Variants in PKHD1L1 observed in about 807,000 individuals in gnomAD.
The protein encoded by PKHD1L1 is PKHD1 like 1, also known as fibrocystin-L.
A neutral mutation model predicts 462.9 loss-of-function variants in PKHD1L1; 434 were observed. The ratio of observed to expected loss-of-function variants is 0.94; its 90% CI spans 0.87 to 1.02. PKHD1L1 has a LOEUF of 1.02. Among genes scored for constraint, PKHD1L1 ranks in the 50% least tolerant of loss-of-function variants. The pLI is 0.00. For synonymous variants in PKHD1L1, 1,781 were observed against 1,750.0 expected, an observed-to-expected ratio of 1.02 and a Z score of -0.44; for missense variants, 5,202 against 5,096.1, an observed-to-expected ratio of 1.02 and a Z score of -0.63.
intron 2 of PKHD1L1, among the ~76,000 whole-genome samples, chr8:109,370,923 G>T (rs996586805): frequency 2.6e-5 from 4 of 152,154 alleles, no homozygotes; most frequent in Non-Finnish European, 4.4e-5. Context: ...GGACATTTGG[G>T]TTGGTTCCAA....
At chr8:109,434,849 T>G (rs1392700357) in intron 28 of PKHD1L1, among the ~76,000 whole-genome samples, 1 of 151,984 alleles carries the variant, frequency 6.6e-6, no homozygotes. Context: ...GACCAAAAAT[T>G]TTAGAATTAT....
At chr8:109,464,144 T>G in intron 48 of PKHD1L1, 72 bp from the exon 49 acceptor site, 1 of 1,058,956 alleles carries the variant, frequency 9.4e-7, no homozygotes, top group Non-Finnish European at 1.2e-6. Flanking sequence ...AATTAGATAT[T>G]TTTTGAAACA....
At chr8:109,408,329 C>T in intron 18 of PKHD1L1, 123 bp downstream of exon 18, 1 of 890,910 alleles carries the variant, frequency 1.1e-6, no homozygotes, top group Non-Finnish European at 1.6e-6. Flanking sequence ...AATTATTTAT[C>T]ACCTGATCAA....
chr8:109,510,974 T>C (rs769254764), intron 71 of PKHD1L1, 40 bp downstream of exon 71: 1 of 1,591,930 alleles, frequency 6.3e-7, no homozygotes, highest in South Asian at 1.1e-5. Flanking sequence ...TGTTGATTAT[T>C]TGCATGTTAT....
At chr8:109,501,554 A>G (rs1347089444) in intron 67 of PKHD1L1, among the ~76,000 whole-genome samples, 1 of 152,338 alleles carries the variant, frequency 6.6e-6, no homozygotes, top group East Asian at 1.9e-4. Context: ...TTCCTGAGGA[A>G]TGGTAGTATA....
Position 109,515,181 on chromosome 8 carries a change from A to T in PKHD1L1, c.11565A>T (p.Val3855=). The change falls in exon 72 of 78, where the codon GTA becomes GTT. Residue 3855 remains valine, a synonymous_variant. Transcript: ENST00000378402. ...TTTTTCTTTAATAGGCTGTTCTAGTAGGAATTTTCTTTTCCACACTTCAAC... is the reference window on the plus strand; with the variant it reads ...TTTTTCTTTAATAGGCTGTTCTAGTTGGAATTTTCTTTTCCACACTTCAAC... ...LNVDHNKAVL[V]GIFFSTLQRL... 6.3e-7 allele frequency: 1 copy of T among 1,589,530 alleles called. No homozygotes were observed. Among genetic ancestry groups the T allele is most frequent in the African/African-American group, 1.4e-5 (1 of 73,936 alleles).
At position 109,491,857 on chromosome 8, in the gene PKHD1L1, TTC is replaced by T. The variant is rs1350557540; in HGVS notation, c.10115-14_10115-13del. The T allele has an allele frequency of 4.6e-6, 7 of 1,533,720 alleles. No individual in the cohort carries two copies. The Admixed American group carries it at 8.1e-5, about 18-fold the overall frequency. The stretch of plus-strand genomic sequence containing the variant: ...TTTTTTGGGGATTTTCTTTCTTTTT[TTC>T]TTTTTTTAAACAGGCATAAGAATAT... On this transcript the variant is annotated splice_polypyrimidine_tract_variant and intron_variant, in intron 61 of 77. Transcript: ENST00000378402.
intron 62 of PKHD1L1, among the ~76,000 whole-genome samples, chr8:109,493,013 TC>T (rs1229494433): frequency 1.3e-5 from 2 of 151,640 alleles, no homozygotes; most frequent in African/African-American, 4.8e-5. Flanking sequence ...GCCTTAGTTG[TC>T]CTTTTTTAAA....
chr8:109,376,152 G>T (rs1024285878), intron 2 of PKHD1L1, among the ~76,000 whole-genome samples: 4 of 152,252 alleles, frequency 2.6e-5, no homozygotes, highest in Admixed American at 6.5e-5. Context: ...GCTCCACCCA[G>T]TTCGAGCTTC....
At chr8:109,366,464 G>A (rs1357099788) in intron 2 of PKHD1L1, among the ~76,000 whole-genome samples, 6 of 152,170 alleles carry the variant, frequency 3.9e-5, no homozygotes, top group Non-Finnish European at 8.8e-5. Flanking sequence ...GTGGAGGAGG[G>A]ATATTGGTCA....
intron 2 of PKHD1L1, among the ~76,000 whole-genome samples, chr8:109,368,581 C>T (rs1242032618): frequency 6.6e-6 from 1 of 152,122 alleles, no homozygotes; most frequent in Non-Finnish European, 1.5e-5. Context: ...AGTTGTCTTC[C>T]ATCCATCACG....
At position 109,522,353 on chromosome 8, in the gene PKHD1L1, T is replaced by C. The variant is rs770492181; in HGVS notation, c.12183+16T>C. ...GTGGATTAAGGTAAGAAAATGCAAC[T>C]AGAAAAAATGCATTTTTTGGGACTT... On this transcript the variant is annotated intron_variant, in intron 74 of 77. Transcript: ENST00000378402. The C allele has an allele frequency of 3.9e-6, 6 of 1,520,802 alleles. No homozygotes were observed. Among genetic ancestry groups the C allele is most frequent in the Non-Finnish European group, 5.3e-6 (6 of 1,134,714 alleles). 94.2% of individuals were successfully genotyped at this position (1,520,802 alleles called of 1,614,324 possible).
At chr8:109,382,620 T>C in intron 4 of PKHD1L1, 49 bp downstream of exon 4, 1 of 1,476,192 alleles carries the variant, frequency 6.8e-7, no homozygotes, top group Admixed American at 1.9e-5. Context: ...TCTTGCTTTC[T>C]TTCCTGCAGA....
rs1467963381 is a variant in PKHD1L1 at position 109,530,227 on chromosome 8, A to C, written c.*137A>C. 1 of 394,718 alleles carries C rather than the reference A, an allele frequency of 2.5e-6. No homozygotes were observed. The highest frequency in any genetic ancestry group is 4.3e-6 in the Non-Finnish European group (1 of 230,296). The allele number at this position is 394,718 out of a possible 1,614,324, so 24.5% of individuals were successfully genotyped here. ...TTATGATATATAAAATGTACTAATTAGCTTTAAACACTAAAATCAGATTTC... is the reference window on the plus strand; with the variant it reads ...TTATGATATATAAAATGTACTAATTCGCTTTAAACACTAAAATCAGATTTC... On this transcript the variant is annotated 3_prime_UTR_variant, in exon 78 of 78. Coordinates refer to ENST00000378402, the MANE Select transcript of PKHD1L1 (RefSeq NM_177531.6).
rs1409000148 is a variant in PKHD1L1, at chr8:109,496,970, T to G, written c.10379T>G (p.Leu3460Ter). ...KWFDNEAHGGLYGIYMNQDGL... is the reference protein window; with the variant it reads ...KWFDNEAHGG The stretch of plus-strand genomic sequence containing the variant: ...TTTGACAATGAAGCCCATGGAGGTT[T>G]ATATGGGATCTATATGAACCAAGAT... Residue 3460 changes from leucine to a stop codon, truncating the protein, a stop_gained, in exon 64 of 78, where the codon TTA becomes TGA. Coordinates refer to ENST00000378402, the MANE Select transcript of PKHD1L1 (RefSeq NM_177531.6). LOFTEE classifies it high-confidence loss of function. 1 of 1,613,350 alleles carries G rather than the reference T, an allele frequency of 6.2e-7. No individual in the cohort carries two copies. The highest frequency in any genetic ancestry group is 1.7e-5 in the Admixed American group (1 of 60,012).
intron 64 of PKHD1L1, 23 bp from the exon 65 acceptor site, chr8:109,497,127 G>A (rs373019779): frequency 1.2e-4 from 190 of 1,613,104 alleles, no homozygotes; most frequent in Non-Finnish European, 1.6e-4. Flanking sequence ...TTAGTATTAT[G>A]TAACCTGCAA....
chr8:109,490,080 T>C lies in PKHD1L1; in HGVS notation c.9984+25T>C, dbSNP rs748913242. 3.5e-6 allele frequency: 5 copies of C among 1,410,176 alleles called. No individual in the cohort carries two copies. In the South Asian group the frequency reaches 5.4e-5, roughly 15 times the overall value. The allele number at this position is 1,410,176 out of a possible 1,614,324, so 87.4% of individuals were successfully genotyped here. The stretch of plus-strand genomic sequence containing the variant: ...GGTTTGTGCTTTATTTTTAATTTTG[T>C]GTATATTAAAAATATGCAAAATATT... On this transcript the variant is annotated intron_variant, in intron 60 of 77. Transcript: ENST00000378402.
At chr8:109,440,977 G>A (rs1815753687) in intron 33 of PKHD1L1, 125 bp downstream of exon 33, 2 of 1,217,250 alleles carry the variant, frequency 1.6e-6, no homozygotes, top group Middle Eastern at 2.5e-4. Context: ...CATAAAAAAG[G>A]TAAGTGTATT....
At chr8:109,408,573 C>T (rs1274064590) in intron 18 of PKHD1L1, among the ~76,000 whole-genome samples, 1 of 152,138 alleles carries the variant, frequency 6.6e-6, no homozygotes, top group African/African-American at 2.4e-5. Flanking sequence ...GCAATAAAAG[C>T]TTAGCTATAA....
Sources: allele counts gnomAD v4.1 joint callset (sites outside exome capture counted in the v4.1 genomes callset), GRCh38; gene constraint gnomAD v4.1.1; transcripts MANE v1.5; gene names NCBI Gene and HGNC (gene_info 2026-07-23, HGNC 2026-07-21).